ATP8A1: variants seen among roughly 807,000 people sequenced by gnomAD.
The protein encoded by ATP8A1 is phospholipid-transporting ATPase IA.
A neutral mutation model predicts 177.7 loss-of-function variants in ATP8A1; 90 were observed. The observed-to-expected ratio is 0.51, with a 90% CI of 0.43 to 0.60. The LOEUF (loss-of-function observed/expected upper bound fraction) is 0.60, where lower values mean the gene tolerates loss of function less well. ATP8A1 is among the 20% of genes least tolerant of loss of function. The probability of loss-of-function intolerance (pLI) is 0.00; values close to 1 mark genes in which losing one functional copy is unlikely to be tolerated. For synonymous variants in ATP8A1, 493 were observed against 485.9 expected (o/e 1.01, Z -0.19); for missense variants, 1,072 against 1,392.8 (o/e 0.77, Z 3.67).
chr4:42,478,796 C>G (rs566266533), intron 25 of ATP8A1, among the ~76,000 whole-genome samples: 79 of 152,244 alleles, frequency 5.2e-4, no homozygotes, highest in Middle Eastern at 3.4e-3. Context: ...TGTATTGACA[C>G]CTCATTGTAA....
intron 25 of ATP8A1, chr4:42,472,427 G>A: frequency 6.2e-6 from 2 of 324,614 alleles, no homozygotes; most frequent in South Asian, 5.4e-5. Flanking sequence ...AAAAGGTAGT[G>A]GAACCAAATA....
chr4:42,449,699 G>C (rs759183179), intron 30 of ATP8A1, among the ~76,000 whole-genome samples: 1 of 152,126 alleles, frequency 6.6e-6, no homozygotes, highest in African/African-American at 2.4e-5. Flanking sequence ...CTTAAAAAAA[G>C]AAAGCAAATG....
intron 5 of ATP8A1, among the ~76,000 whole-genome samples, chr4:42,609,174 C>T (rs1459331110): frequency 6.6e-6 from 1 of 151,992 alleles, no homozygotes; most frequent in Non-Finnish European, 1.5e-5. Flanking sequence ...ATGAGTTGTC[C>T]TAAAAGCACG....
intron 1 of ATP8A1, among the ~76,000 whole-genome samples, chr4:42,630,572 A>C (rs1738626755): frequency 6.6e-6 from 1 of 152,220 alleles, no homozygotes; most frequent in South Asian, 2.1e-4. Context: ...AGAGAAAGAA[A>C]CGCATCTTAA....
chr4:42,487,410 C>T (rs1043786779), intron 24 of ATP8A1, among the ~76,000 whole-genome samples: 1 of 152,068 alleles, frequency 6.6e-6, no homozygotes, highest in East Asian at 1.9e-4. Context: ...AGAGCCCTAC[C>T]GTGGTGAAGA....
chr4:42,635,806 TATATAC>T (rs1343727495), intron 1 of ATP8A1, among the ~76,000 whole-genome samples: 2,145 of 116,200 alleles, frequency 0.018, 135 homozygotes, highest in African/African-American at 0.071. Flanking sequence ...TATATATATA[TATATAC>T]ACATGTATGT....
chr4:42,583,127 G>A (rs1411815134), intron 9 of ATP8A1, among the ~76,000 whole-genome samples: 1 of 152,074 alleles, frequency 6.6e-6, no homozygotes, highest in Non-Finnish European at 1.5e-5. Context: ...TGGCCCAGTA[G>A]GCTTGGAAGG....
chr4:42,641,091 G>T (rs1739938024), intron 1 of ATP8A1, among the ~76,000 whole-genome samples: 2 of 151,930 alleles, frequency 1.3e-5, no homozygotes, highest in Admixed American at 6.6e-5. Flanking sequence ...ACTTGGTAAG[G>T]GCTCTGGGTG....
At chr4:42,547,594 TAATACA>T in intron 19 of ATP8A1, among the ~76,000 whole-genome samples, 1 of 152,282 alleles carries the variant, frequency 6.6e-6, no homozygotes, top group South Asian at 2.1e-4. Flanking sequence ...TCTACAGATA[TAATACA>T]AATAAGCTTG....
chr4:42,575,038 C>A (rs1577621941), intron 13 of ATP8A1, among the ~76,000 whole-genome samples: 1 of 152,182 alleles, frequency 6.6e-6, no homozygotes, highest in African/African-American at 2.4e-5. Context: ...TTTCTCAATG[C>A]AACAGGCAAT....
chr4:42,484,723 T>C (rs776352978), intron 25 of ATP8A1, among the ~76,000 whole-genome samples: 9 of 152,168 alleles, frequency 5.9e-5, no homozygotes, highest in Non-Finnish European at 1.3e-4. Flanking sequence ...ACATTTTATG[T>C]CCCAGGAAGA....
chr4:42,449,798 A>G (rs1717737341), intron 30 of ATP8A1, among the ~76,000 whole-genome samples: 1 of 152,204 alleles, frequency 6.6e-6, no homozygotes, highest in African/African-American at 2.4e-5. Flanking sequence ...AGCTTTCCAG[A>G]GAGACGTAAT....
At chr4:42,581,950 T>G (rs1733129005) in intron 9 of ATP8A1, among the ~76,000 whole-genome samples, 1 of 152,178 alleles carries the variant, frequency 6.6e-6, no homozygotes, top group Non-Finnish European at 1.5e-5. Flanking sequence ...TTTCTGTAAC[T>G]TCACTATCTG....
intron 6 of ATP8A1, among the ~76,000 whole-genome samples, chr4:42,599,140 A>G (rs923556920): frequency 6.6e-5 from 10 of 152,202 alleles, no homozygotes; most frequent in African/African-American, 2.4e-4. Flanking sequence ...AAAGGTTTAG[A>G]GTGAAGTAGT....
At chr4:42,636,156 A>ACACACACACACGCGCGGGCGCGCGCG (rs565139270) in intron 1 of ATP8A1, among the ~76,000 whole-genome samples, 1 of 90,898 alleles carries the variant, frequency 1.1e-5, no homozygotes, top group Admixed American at 1.2e-4. Flanking sequence ...ACACACACAC[A>ACACACACACACGCGCGGGCGCGCGCG]CGCACACACA....
intron 6 of ATP8A1, among the ~76,000 whole-genome samples, chr4:42,599,493 G>A (rs930728410): frequency 3.3e-5 from 5 of 151,896 alleles, no homozygotes; most frequent in African/African-American, 1.2e-4. Context: ...AAAAAATAGG[G>A]GTAAATTTTC....
chr4:42,422,862 C>T lies in ATP8A1; in HGVS notation c.3250G>A (p.Val1084Ile), dbSNP rs758376440. ...RTAFKTLVDEVQELEAKSQDP... is the reference protein window; with the variant it reads ...RTAFKTLVDEIQELEAKSQDP... Reference sequence around the variant, plus strand: ...TGAGATTTTGCCTCCAGCTCCTGAACTTCATCGACCAATGTTTTAAAAGCA... The same window carrying T: ...TGAGATTTTGCCTCCAGCTCCTGAATTTCATCGACCAATGTTTTAAAAGCA... The change falls in exon 35 of 37, where the codon GTT (valine) becomes ATT (isoleucine). Residue 1084 changes from valine to isoleucine, a missense_variant. Val to Ile is a conservative substitution (Grantham distance 29). This residue lies in a region of ATP8A1 where 316 missense variants were observed against 459.1 expected (regional missense o/e 0.69). Transcript: ENST00000381668. 1 of 1,612,796 alleles carries T rather than the reference C, an allele frequency of 6.2e-7. No individual in the cohort carries two copies. The highest frequency in any genetic ancestry group is 1.1e-5 in the South Asian group (1 of 91,070).
chr4:42,420,788 A>T (rs577838150), intron 35 of ATP8A1, among the ~76,000 whole-genome samples: 104 of 81,834 alleles, frequency 1.3e-3, no homozygotes, highest in South Asian at 3.0e-3. Context: ...TTTTTTTTTG[A>T]GACAGAGTCT....
chr4:42,541,952 C>A (rs575872506), intron 20 of ATP8A1, among the ~76,000 whole-genome samples: 1 of 152,258 alleles, frequency 6.6e-6, no homozygotes, highest in Admixed American at 6.5e-5. Flanking sequence ...ATGGTAGATA[C>A]ATGTCACTAC....
Sources: gnomAD v4.1 joint callset for allele counts (sites outside exome capture counted in the v4.1 genomes callset) on GRCh38, gnomAD v4.1.1 for gene constraint, gnomAD v4.1.1 regional missense constraint, MANE v1.5 for transcripts, NCBI Gene and HGNC (gene_info 2026-07-23, HGNC 2026-07-21) for gene names.